The following TRPV4 variants were observed in gnomAD, a reference collection of about 807,000 sequenced individuals.
TRPV4 encodes the protein transient receptor potential cation channel subfamily V member 4.
A neutral mutation model predicts 84.1 loss-of-function variants in TRPV4; 58 were observed. That is an observed-to-expected ratio of 0.69 (90% CI 0.56 to 0.86). TRPV4 has a LOEUF of 0.86. Ranked by LOEUF, TRPV4 falls within the 40% of genes least tolerant of loss-of-function variation. The probability of loss-of-function intolerance (pLI) is 0.00; values close to 1 mark genes in which losing one functional copy is unlikely to be tolerated. For synonymous variants in TRPV4, 489 were observed against 500.9 expected (o/e 0.98, Z 0.32); for missense variants, 879 against 1,181.1 (o/e 0.74, Z 3.75).
intron 2 of TRPV4, among the ~76,000 whole-genome samples, chr12:109,811,140 AAC>A (rs1891488821): frequency 6.6e-6 from 1 of 151,910 alleles, no homozygotes; most frequent in African/African-American, 2.4e-5. Flanking sequence ...CTTAAATGTC[AAC>A]TCCTCCAAGA....
Position 109,793,434 on chromosome 12 carries a change from A to C in TRPV4, c.1658+93T>G. The C allele has an allele frequency of 1.7e-6, 2 of 1,145,948 alleles. No homozygotes were observed. Among genetic ancestry groups the C allele is most frequent in the Middle Eastern group, 2.6e-4 (1 of 3,852 alleles). 71.0% of individuals were successfully genotyped at this position (1,145,948 alleles called of 1,614,324 possible). Reference sequence around the variant, plus strand: ...GCCCAGGTTGGGTGCATTCATTTCTAACAGAATCACCTCTCTCCTGAATCT... The same window carrying C: ...GCCCAGGTTGGGTGCATTCATTTCTCACAGAATCACCTCTCTCCTGAATCT... On this transcript the variant is annotated intron_variant, in intron 10 of 15. Coordinates refer to ENST00000261740, the MANE Select transcript of TRPV4 (RefSeq NM_021625.5). The surrounding 1 kb of genome is among the most constrained non-coding windows in gnomAD (Gnocchi z 4.0).
At chr12:109,808,559 C>T (rs1156234770) in intron 2 of TRPV4, 91 bp from the exon 3 acceptor site, 10 of 1,338,336 alleles carry the variant, frequency 7.5e-6, no homozygotes, top group Middle Eastern at 2.6e-4. Context: ...ACTGTGGTGG[C>T]GGGCAGGCAG....
chr12:109,787,460 C>G (rs1009833165), intron 13 of TRPV4, among the ~76,000 whole-genome samples: 82 of 152,136 alleles, frequency 5.4e-4, no homozygotes, highest in African/African-American at 1.5e-3. Flanking sequence ...CAAAAATTAG[C>G]CGGGTGAGGT....
rs1565866763 is a variant in TRPV4, at chr12:109,794,476, C to A, written c.1344G>T (p.Glu448Asp). Residue 448 changes from glutamate to aspartate, a missense_variant, in exon 8 of 16, where the codon GAG becomes GAT. Physicochemically the swap from Glu to Asp is conservative, Grantham distance 45. Around this residue, in one of 4 missense-constraint regions of TRPV4, gnomAD observed 521 missense variants for 686.6 expected, o/e 0.76. Coordinates refer to ENST00000261740, the MANE Select transcript of TRPV4 (RefSeq NM_021625.5). ...VYNSKIENRH[E>D]MLAVEPINEL... The stretch of plus-strand genomic sequence containing the variant: ...CATTGATGGGCTCCACAGCCAGCAT[C>A]TCGTGGCGGTTCTAAGAGAGGCAGG... The A allele has an allele frequency of 1.2e-6, 2 of 1,613,932 alleles. No homozygotes were observed. Among genetic ancestry groups the A allele is most frequent in the African/African-American group, 1.3e-5 (1 of 75,012 alleles).
At chr12:109,792,504 A>T (rs755181684) in intron 11 of TRPV4, 75 bp from the exon 12 acceptor site, 174 of 1,582,046 alleles carry the variant, frequency 1.1e-4, no homozygotes, top group Middle Eastern at 3.3e-4. Context: ...CTCCATCTCC[A>T]CCCTGGTCCC....
chr12:109,801,629 C>T (rs989665352), intron 4 of TRPV4, among the ~76,000 whole-genome samples: 3 of 152,038 alleles, frequency 2.0e-5, no homozygotes, highest in South Asian at 2.1e-4. Flanking sequence ...AGCATGAGAA[C>T]GGGCTAATAC....
chr12:109,832,518 C>A (rs1892439691), intron 1 of TRPV4: 1 of 152,328 alleles, frequency 6.6e-6, no homozygotes, highest in South Asian at 2.1e-4. Flanking sequence ...TTCCCAAGCA[C>A]CCCGGGGGCA....
intron 14 of TRPV4, among the ~76,000 whole-genome samples, chr12:109,785,503 C>T (rs970578717): frequency 1.3e-5 from 2 of 151,942 alleles, no homozygotes; most frequent in Non-Finnish European, 2.9e-5. Context: ...ACTGCAACCT[C>T]CACCTACCAG....
In TRPV4 at chr12:109,784,322, G is replaced by A. The variant is rs776544875; in HGVS notation, c.2452C>T (p.Arg818Cys). The A allele has an allele frequency of 1.7e-5, 28 of 1,614,054 alleles. No individual in the cohort carries two copies. Among genetic ancestry groups the A allele is most frequent in the Admixed American group, 3.3e-5 (2 of 60,006 alleles). Residue 818 changes from arginine to cysteine, a missense_variant, in exon 15 of 16, where the codon CGC becomes TGC. Physicochemically the swap from Arg to Cys is radical, Grantham distance 180. Coordinates refer to ENST00000261740, the MANE Select transcript of TRPV4 (RefSeq NM_021625.5). ...CACCCGCCCCTCCACTCACCCCTGC[G>A]GAGGCGGCCCACGGTATGCGAGAAG... ...YGFSHTVGRL[R>C]RDRWSSVVPR...
chr12:109,796,732 G>A lies in TRPV4; in HGVS notation c.1153-28C>T, dbSNP rs1306683293. On this transcript the variant is annotated intron_variant, in intron 6 of 15. Transcript: ENST00000261740. The surrounding 1 kb of genome is among the most constrained non-coding windows in gnomAD (Gnocchi z 4.2). The stretch of plus-strand genomic sequence containing the variant: ...GCACAGGGGGCCAGGAGGGTCAGGG[G>A]GCTCACACTGGAAAGACCCCCAGGG... 20 of 1,592,098 alleles carry A rather than the reference G, an allele frequency of 1.3e-5. No homozygotes were observed. The highest frequency in any genetic ancestry group is 1.6e-5 in the Non-Finnish European group (19 of 1,167,272).
chr12:109,817,292 G>A (rs993966921), intron 1 of TRPV4, among the ~76,000 whole-genome samples: 7 of 152,120 alleles, frequency 4.6e-5, no homozygotes, highest in Non-Finnish European at 8.8e-5. Flanking sequence ...GGGGCCCTGA[G>A]GTCAGGGGGA....
rs188950753 is a variant in TRPV4 at position 109,791,909 on chromosome 12, G to A, written c.1891+454C>T. Among the ~76,000 whole-genome samples, 507 of 152,002 alleles carry A rather than the reference G, an allele frequency of 3.3e-3. 1 individual carries two copies. Among genetic ancestry groups the A allele is most frequent in the South Asian group, 0.015 (71 of 4,810 alleles). ...CTTGTTGGGAGGCAAGGATGGAAAC[G>A]TACTTAGTCTGGTGCCTGGCACACA... On this transcript the variant is annotated intron_variant, in intron 12 of 15. Transcript: ENST00000261740.
intron 1 of TRPV4, among the ~76,000 whole-genome samples, chr12:109,816,374 A>C (rs1416907103): frequency 6.6e-6 from 1 of 152,150 alleles, no homozygotes; most frequent in East Asian, 1.9e-4. Flanking sequence ...TGAGCTCCCC[A>C]AGCCTCAGTT....
chr12:109,826,657 G>A (rs1264148712), intron 1 of TRPV4, among the ~76,000 whole-genome samples: 1 of 152,164 alleles, frequency 6.6e-6, no homozygotes, highest in Non-Finnish European at 1.5e-5. Context: ...CCTCTCCCTA[G>A]GACCCCCCTT....
At chr12:109,810,693 T>A (rs1891467577) in intron 2 of TRPV4, among the ~76,000 whole-genome samples, 1 of 152,172 alleles carries the variant, frequency 6.6e-6, no homozygotes, top group Non-Finnish European at 1.5e-5. Flanking sequence ...GCCCCCACTT[T>A]ACCTCTTCCT....
chr12:109,820,657 G>A (rs1892065200), intron 1 of TRPV4, among the ~76,000 whole-genome samples: 1 of 151,748 alleles, frequency 6.6e-6, no homozygotes, highest in Non-Finnish European at 1.5e-5. Flanking sequence ...GAGTAGCTGG[G>A]ACTACAGGCA....
intron 12 of TRPV4, among the ~76,000 whole-genome samples, chr12:109,791,779 C>T (rs1450535735): frequency 1.3e-5 from 2 of 151,894 alleles, no homozygotes; most frequent in African/African-American, 4.8e-5. Context: ...CCACTGCGCC[C>T]GGCCACCATT....
intron 1 of TRPV4, among the ~76,000 whole-genome samples, chr12:109,826,937 G>C (rs1324211734): frequency 1.3e-5 from 2 of 152,216 alleles, no homozygotes; most frequent in Admixed American, 1.3e-4. Flanking sequence ...CTCTAGGGCG[G>C]AGGGACTCCC....
At chr12:109,808,837 TCATC>T (rs773067679) in intron 2 of TRPV4, among the ~76,000 whole-genome samples, 35 of 141,394 alleles carry the variant, frequency 2.5e-4, no homozygotes, top group Non-Finnish European at 4.0e-4. Flanking sequence ...CATCCATCAC[TCATC>T]CATCCATCCA....
Sources: allele counts gnomAD v4.1 joint callset (sites outside exome capture counted in the v4.1 genomes callset), GRCh38; gene constraint gnomAD v4.1.1; regional missense constraint gnomAD v4.1.1; non-coding constraint Gnocchi (gnomAD v3.1); transcripts MANE v1.5; gene names NCBI Gene and HGNC (gene_info 2026-07-23, HGNC 2026-07-21).